Variants in ENTREP2 observed in about 807,000 individuals in gnomAD.
ENTREP2 encodes the protein endosomal transmembrane epsin interactor 2.
chr15:29,409,932 C>T, the ENTREP2 span, among the ~76,000 whole-genome samples: 25 of 152,176 alleles, frequency 1.6e-4, no homozygotes, highest in African/African-American at 5.5e-4. Flanking sequence ...CCCCAAAGCC[C>T]CCGATACCTG....
the ENTREP2 span, among the ~76,000 whole-genome samples, chr15:29,191,431 G>T: frequency 6.9e-6 from 1 of 144,408 alleles, no homozygotes; most frequent in Non-Finnish European, 1.5e-5. Context: ...AGACATCCAT[G>T]GGTGCAAACC....
At chr15:29,444,154 C>A in the ENTREP2 span, among the ~76,000 whole-genome samples, 173 of 54,880 alleles carry the variant, frequency 3.2e-3, 13 homozygotes, top group South Asian at 0.055. Flanking sequence ...GAAAGACAGA[C>A]AGAAAGAAAG....
chr15:29,650,679 C>A, the ENTREP2 span, among the ~76,000 whole-genome samples: 1 of 152,048 alleles, frequency 6.6e-6, no homozygotes, highest in Non-Finnish European at 1.5e-5. Context: ...TGTAGGTACA[C>A]AACTTAAATT....
At chr15:29,204,076 C>G in the ENTREP2 span, among the ~76,000 whole-genome samples, 1 of 152,188 alleles carries the variant, frequency 6.6e-6, no homozygotes, top group African/African-American at 2.4e-5. Context: ...TAGGAAAATT[C>G]TGAAAACCTC....
the ENTREP2 span, among the ~76,000 whole-genome samples, chr15:29,366,604 C>T: frequency 3.3e-5 from 5 of 152,254 alleles, no homozygotes; most frequent in South Asian, 6.2e-4. Context: ...CACACCCCAG[C>T]GCCAGGTGAC....
the ENTREP2 span, among the ~76,000 whole-genome samples, chr15:29,667,888 G>A: frequency 6.6e-6 from 1 of 151,980 alleles, no homozygotes; most frequent in African/African-American, 2.4e-5. Context: ...CTACATCTTG[G>A]CCTGTTTTCT....
the ENTREP2 span, among the ~76,000 whole-genome samples, chr15:29,350,002 A>G: frequency 6.6e-6 from 1 of 152,276 alleles, no homozygotes; most frequent in East Asian, 1.9e-4. Flanking sequence ...ATGCCTGCCT[A>G]TAGGCATCTC....
At chr15:29,228,361 A>T in the ENTREP2 span, among the ~76,000 whole-genome samples, 3 of 152,150 alleles carry the variant, frequency 2.0e-5, no homozygotes, top group Non-Finnish European at 4.4e-5. Flanking sequence ...AAAATACTGT[A>T]TGCTTCCACT....
chr15:29,526,265 A>G, the ENTREP2 span, among the ~76,000 whole-genome samples: 3 of 151,956 alleles, frequency 2.0e-5, no homozygotes, highest in Non-Finnish European at 2.9e-5. Flanking sequence ...TAGGATCACA[A>G]CTCTCTCTTG....
chr15:29,174,702 C>CAAAAAAAAAAA, the ENTREP2 span, among the ~76,000 whole-genome samples: 25 of 115,886 alleles, frequency 2.2e-4, no homozygotes, highest in South Asian at 5.5e-4. Context: ...CAAAACAAAA[C>CAAAAAAAAAAA]AAAACAACAA....
chr15:29,283,648 G>A, the ENTREP2 span, among the ~76,000 whole-genome samples: 1 of 152,262 alleles, frequency 6.6e-6, no homozygotes, highest in South Asian at 2.1e-4. Context: ...CCCCCTAAGA[G>A]GGACAGTGGT....
At chr15:29,671,360 A>C in the ENTREP2 span, among the ~76,000 whole-genome samples, 13 of 152,006 alleles carry the variant, frequency 8.6e-5, no homozygotes, top group Non-Finnish European at 1.6e-4. Context: ...GATTGTAAGA[A>C]CCTCCTGACT....
the ENTREP2 span, among the ~76,000 whole-genome samples, chr15:29,238,182 G>A: frequency 6.6e-6 from 1 of 152,206 alleles, no homozygotes. Context: ...ACTAGTGGTA[G>A]CCCAGGGATG....
the ENTREP2 span, among the ~76,000 whole-genome samples, chr15:29,309,574 G>C: frequency 6.6e-6 from 1 of 152,164 alleles, no homozygotes; most frequent in Admixed American, 6.5e-5. Flanking sequence ...GAGGTCAGGA[G>C]TTTGAGACCA....
At chr15:29,297,823 A>G in the ENTREP2 span, among the ~76,000 whole-genome samples, 10 of 152,324 alleles carry the variant, frequency 6.6e-5, no homozygotes, top group East Asian at 7.7e-4. Flanking sequence ...TTGAACAGCT[A>G]GACTATAAGG....
At chr15:29,571,320 A>G in the ENTREP2 span, among the ~76,000 whole-genome samples, 2 of 152,170 alleles carry the variant, frequency 1.3e-5, no homozygotes, top group East Asian at 1.9e-4. Flanking sequence ...CGATAGCGGC[A>G]GCGGGCCAGC....
the ENTREP2 span, among the ~76,000 whole-genome samples, chr15:29,219,883 G>C: frequency 6.6e-6 from 1 of 151,646 alleles, no homozygotes. Context: ...GGAAGGGGGT[G>C]AGGGATAAAG....
the ENTREP2 span, among the ~76,000 whole-genome samples, chr15:29,325,338 A>G: frequency 1.5e-3 from 235 of 152,224 alleles, 1 homozygote; most frequent in Non-Finnish European, 2.6e-3. Flanking sequence ...AAATTAAGGC[A>G]GAAATCTGAA....
the ENTREP2 span, among the ~76,000 whole-genome samples, chr15:29,393,398 A>G: frequency 6.6e-6 from 1 of 152,238 alleles, no homozygotes; most frequent in Admixed American, 6.5e-5. Context: ...TGCAGTGGGC[A>G]CCAGGCTCAG....
Sources: allele counts gnomAD v4.1 joint callset (sites outside exome capture counted in the v4.1 genomes callset), GRCh38; gene constraint gnomAD v4.1.1; transcripts MANE v1.5; gene names NCBI Gene and HGNC (gene_info 2026-07-23, HGNC 2026-07-21).